Variants in TARS2 observed in about 807,000 individuals in gnomAD.
TARS2 encodes the protein threonine--tRNA ligase, mitochondrial.
A neutral mutation model predicts 94.4 loss-of-function variants in TARS2; 61 were observed. The ratio of observed to expected loss-of-function variants is 0.65; its 90% CI spans 0.53 to 0.80. The LOEUF is 0.80. TARS2 is among the 30% of genes least tolerant of loss of function. The pLI, the probability that TARS2 is intolerant of heterozygous loss-of-function variation, is 0.00. For missense variants in TARS2, 704 were observed against 902.5 expected, an observed-to-expected ratio of 0.78 and a Z score of 2.82; for synonymous variants, 359 against 353.4, an observed-to-expected ratio of 1.02 and a Z score of -0.18.
At position 150,504,409 on chromosome 1, in the gene TARS2, C is replaced by G; in HGVS notation, c.1692C>G (p.Pro564=). 1 of 1,614,106 alleles carries G rather than the reference C, an allele frequency of 6.2e-7. No individual in the cohort carries two copies. The change falls in exon 14 of 18, where the codon CCC becomes CCG. Residue 564 remains proline, a synonymous_variant. Transcript: ENST00000369064. The stretch of plus-strand genomic sequence containing the variant: ...CAATTCAGCTTGACTTCCAACTGCC[C>G]CTGAGATTTGACCTCCAGTATAAGG... ...CGTIQLDFQL[P]LRFDLQYKGQ...
At chr1:150,506,574 G>GAC (rs59687878) in intron 17 of TARS2, among the ~76,000 whole-genome samples, 3,037 of 109,124 alleles carry the variant, frequency 0.028, 90 homozygotes, top group Admixed American at 0.063. Flanking sequence ...TAATGTCTCT[G>GAC]ACACACACAC....
intron 13 of TARS2, 150 bp from the exon 14 acceptor site, chr1:150,504,185 G>C: frequency 1.5e-6 from 1 of 670,272 alleles, no homozygotes; most frequent in Non-Finnish European, 2.6e-6. Flanking sequence ...TGAACTGGAG[G>C]GGTAGCGTAT....
intron 13 of TARS2, 37 bp downstream of exon 13, chr1:150,499,330 A>G (rs1669809551): frequency 6.3e-7 from 1 of 1,587,776 alleles, no homozygotes; most frequent in Non-Finnish European, 8.6e-7. Context: ...GTATTTATTT[A>G]TTTTTTGCTT....
intron 7 of TARS2, among the ~76,000 whole-genome samples, chr1:150,494,370 C>CAA (rs377287320): frequency 2.5e-4 from 23 of 91,906 alleles, no homozygotes; most frequent in Non-Finnish European, 3.9e-4. Flanking sequence ...GACAACATCT[C>CAA]AAAAAAAAAA....
chr1:150,498,140 C>T lies in TARS2; in HGVS notation c.1239-362C>T, dbSNP rs112128411. On this transcript the variant is annotated intron_variant, in intron 10 of 17. Transcript: ENST00000369064. ...CACCTTGGAAAGAGTATTGGGACAC[C>T]GATTTGAGCCTACAGTCTTCCCCCT... Among the ~76,000 whole-genome samples, 21 of 151,716 alleles carry T rather than the reference C, an allele frequency of 1.4e-4. No individual in the cohort carries two copies. In the South Asian group the frequency reaches 2.5e-3, roughly 18 times the overall value.
chr1:150,491,842 T>C, intron 6 of TARS2, 180 bp downstream of exon 6: 4 of 618,776 alleles, frequency 6.5e-6, no homozygotes, highest in Non-Finnish European at 1.1e-5. Context: ...TCTCCCAGGC[T>C]GGAGTGCGGT....
At chr1:150,494,595 T>G (rs1482571700) in intron 7 of TARS2, among the ~76,000 whole-genome samples, 3 of 151,770 alleles carry the variant, frequency 2.0e-5, no homozygotes, top group Non-Finnish European at 4.4e-5. Context: ...AAAAATTAGC[T>G]GGGCGTGGTG....
intron 13 of TARS2, among the ~76,000 whole-genome samples, chr1:150,502,609 G>A (rs1011758614): frequency 3.9e-5 from 6 of 152,052 alleles, no homozygotes; most frequent in South Asian, 2.1e-4. Flanking sequence ...GGCTGGTCTC[G>A]AACTCCTGAC....
chr1:150,492,532 C>G (rs1006142044), intron 7 of TARS2, 43 bp downstream of exon 7: 2 of 1,600,352 alleles, frequency 1.2e-6, no homozygotes, highest in Non-Finnish European at 1.7e-6. Flanking sequence ...CTATTTTGAG[C>G]CGGGCATGGT....
At position 150,489,042 on chromosome 1, in the gene TARS2, T is replaced by G. The variant is rs1288084010; in HGVS notation, c.342T>G (p.Asp114Glu). ...PYDLERPLET[D>E]SDLRFLTFDS... ...ATCTGGAGCGGCCCTTGGAGACAGA[T>G]TCTGACCTCAGATTTCTGACATTCG... The change falls in exon 3 of 18, where the codon GAT becomes GAG. Residue 114 changes from aspartate to glutamate, a missense_variant. Physicochemically the swap from Asp to Glu is conservative, Grantham distance 45. Coordinates refer to ENST00000369064, the MANE Select transcript of TARS2 (RefSeq NM_025150.5). 6.2e-7 allele frequency: 1 copy of G among 1,614,228 alleles called. No individual in the cohort carries two copies. The highest frequency in any genetic ancestry group is 2.2e-5 in the East Asian group (1 of 44,882).
chr1:150,495,101 C>T (rs1235220093), intron 7 of TARS2, among the ~76,000 whole-genome samples: 1 of 151,280 alleles, frequency 6.6e-6, no homozygotes, highest in African/African-American at 2.4e-5. Context: ...ATGGCGTGAA[C>T]CCTGGGGGGT....
chr1:150,487,490 G>A lies in TARS2; in HGVS notation c.40G>A (p.Gly14Ser), dbSNP rs1294013010. 6.2e-7 allele frequency: 1 copy of A among 1,614,236 alleles called. No individual in the cohort carries two copies. Among genetic ancestry groups the A allele is most frequent in the Non-Finnish European group, 8.5e-7 (1 of 1,180,044 alleles). ...GAGGTGGCGGTGTCTCCGGCTCCAA[G>A]GTTTACAGGCTTGCAGGCTACACAC... Reference protein sequence around the residue: ...YQRWRCLRLQGLQACRLHTAV... With the variant: ...YQRWRCLRLQSLQACRLHTAV... Residue 14 changes from glycine to serine, a missense_variant, in exon 1 of 18, where the codon GGT becomes AGT. By Grantham distance (56) the Gly-to-Ser change is moderately conservative. Around this residue, in one of 3 missense-constraint regions of TARS2, gnomAD observed 208 missense variants for 228.5 expected, o/e 0.91. Coordinates refer to ENST00000369064, the MANE Select transcript of TARS2 (RefSeq NM_025150.5).
chr1:150,488,280 C>G (rs1393284741), intron 2 of TARS2: 2 of 472,332 alleles, frequency 4.2e-6, no homozygotes, highest in African/African-American at 1.9e-5. Flanking sequence ...AGCGATCCTT[C>G]CATCTCAGCC....
rs774425445 is a variant in TARS2 at position 150,496,940 on chromosome 1, C to T, written c.1020+32C>T. On this transcript the variant is annotated intron_variant, in intron 9 of 17. Coordinates refer to ENST00000369064, the MANE Select transcript of TARS2 (RefSeq NM_025150.5). ...GGACCCAGGTCTAGAGGAAAGAAGACCAGGGAGGGGCTGAGGGACTAGAAG... is the reference window on the plus strand; with the variant it reads ...GGACCCAGGTCTAGAGGAAAGAAGATCAGGGAGGGGCTGAGGGACTAGAAG... 6 of 1,602,430 alleles carry T rather than the reference C, an allele frequency of 3.7e-6. No individual in the cohort carries two copies. In the African/African-American group the frequency reaches 8.0e-5, roughly 21 times the overall value.
intron 3 of TARS2, 64 bp from the exon 4 acceptor site, chr1:150,490,537 C>G: frequency 1.3e-6 from 2 of 1,553,762 alleles, no homozygotes; most frequent in Non-Finnish European, 1.7e-6. Flanking sequence ...TGAGGAAGAG[C>G]TCAGAGATCT....
In TARS2 at chr1:150,504,946, G is replaced by A. The variant is rs749653751; in HGVS notation, c.1861G>A (p.Val621Met). The A allele has an allele frequency of 1.2e-6, 2 of 1,614,202 alleles. No homozygotes were observed. Among genetic ancestry groups the A allele is most frequent in the Non-Finnish European group, 1.7e-6 (2 of 1,180,042 alleles). ...LSPFQVVVIP[V>M]GSEQEEYAKE... ...CCCGTTCCAGGTGGTGGTCATCCCT[G>A]TGGGGAGTGAGCAAGAGGAATACGC... The change falls in exon 16 of 18, where the codon GTG (valine) becomes ATG (methionine). Residue 621 changes from valine to methionine, a missense_variant. By Grantham distance (21) the Val-to-Met change is conservative. Around this residue, in one of 3 missense-constraint regions of TARS2, gnomAD observed 466 missense variants for 609.5 expected, o/e 0.76. Coordinates refer to ENST00000369064, the MANE Select transcript of TARS2 (RefSeq NM_025150.5).
rs587600628 is a variant in TARS2 at position 150,487,425 on chromosome 1, G to A, written c.-26G>A. ...GGAGAAGCGGCGATAATCTGTTTGA[G>A]GATGTAGGCACTGGTGTGAAGGAAC... On this transcript the variant is annotated 5_prime_UTR_variant, in exon 1 of 18. Coordinates refer to ENST00000369064, the MANE Select transcript of TARS2 (RefSeq NM_025150.5). 4 of 1,614,160 alleles carry A rather than the reference G, an allele frequency of 2.5e-6. No individual in the cohort carries two copies. In the South Asian group the frequency reaches 4.4e-5, roughly 18 times the overall value.
intron 13 of TARS2, among the ~76,000 whole-genome samples, chr1:150,499,642 A>G (rs1194772296): frequency 6.6e-6 from 1 of 152,208 alleles, no homozygotes; most frequent in African/African-American, 2.4e-5. Context: ...CTGGGATTAC[A>G]GGCGTGAGCC....
At chr1:150,493,491 C>A (rs181204009) in intron 7 of TARS2, among the ~76,000 whole-genome samples, 157 of 152,068 alleles carry the variant, frequency 1.0e-3, no homozygotes, top group Non-Finnish European at 1.5e-3. Context: ...TGGTGGCTCA[C>A]GCCTATAATC....
Sources: allele counts gnomAD v4.1 joint callset (sites outside exome capture counted in the v4.1 genomes callset), GRCh38; gene constraint gnomAD v4.1.1; regional missense constraint gnomAD v4.1.1; transcripts MANE v1.5; gene names NCBI Gene and HGNC (gene_info 2026-07-23, HGNC 2026-07-21).